Variants in PCDHGB3 observed in about 807,000 individuals in gnomAD.
PCDHGB3 encodes the protein protocadherin gamma subfamily B, 3.
Under a neutral mutation model 59.2 loss-of-function variants are expected in PCDHGB3, and 40 were observed. The ratio of observed to expected loss-of-function variants is 0.68; its 90% CI spans 0.52 to 0.88. The LOEUF (loss-of-function observed/expected upper bound fraction) is 0.88, where lower values mean the gene tolerates loss of function less well. PCDHGB3 is among the 40% of genes least tolerant of loss of function. The probability of loss-of-function intolerance (pLI) is 0.00; values close to 1 mark genes in which losing one functional copy is unlikely to be tolerated. For missense variants in PCDHGB3, 1,309 were observed against 1,187.9 expected, an observed-to-expected ratio of 1.10 and a Z score of -1.50; for synonymous variants, 581 against 503.6, an observed-to-expected ratio of 1.15 and a Z score of -2.06.
rs202006594 is a variant in PCDHGB3, at chr5:141,477,618, C to A, written c.2416-17189C>A. 15 of 1,614,176 alleles carry A rather than the reference C, an allele frequency of 9.3e-6. No homozygotes were observed. The African/African-American group carries it at 1.3e-4, about 14-fold the overall frequency. ...TCTTTCTTTCTCTTGGAGCAAGGAGCTGAAACCGGGCTAGTGGGTCGCTAT... is the reference window on the plus strand; with the variant it reads ...TCTTTCTTTCTCTTGGAGCAAGGAGATGAAACCGGGCTAGTGGGTCGCTAT... On this transcript the variant is annotated intron_variant, in intron 1 of 3. Coordinates refer to ENST00000576222, the MANE Select transcript of PCDHGB3 (RefSeq NM_018924.5). The surrounding 1 kb of genome is among the most constrained non-coding windows in gnomAD (Gnocchi z 4.9).
chr5:141,375,073 A>T, intron 1 of PCDHGB3: 1 of 1,614,030 alleles, frequency 6.2e-7, no homozygotes, highest in Non-Finnish European at 8.5e-7. Flanking sequence ...TTCGAGACAG[A>T]GCGAAAGTCT....
At chr5:141,468,487 G>A (rs945439990) in intron 1 of PCDHGB3, 6 of 152,110 alleles carry the variant, frequency 3.9e-5, no homozygotes, top group African/African-American at 1.4e-4. Context: ...TAGGTCTCAT[G>A]GAAGATTTTC....
At position 141,433,356 on chromosome 5, in the gene PCDHGB3, T is replaced by A. The variant is rs549297958; in HGVS notation, c.2415+60547T>A. On this transcript the variant is annotated intron_variant, in intron 1 of 3. Transcript: ENST00000576222. ...CTACAGGTGCAAGCCACCTACTGTC[T>A]GCCTATCTATCTATCTATCTATCTA... The A allele has an allele frequency of 8.4e-5, 51 of 607,892 alleles. No homozygotes were observed. The African/African-American group carries it at 9.5e-4, about 11-fold the overall frequency. 37.7% of individuals were successfully genotyped at this position (607,892 alleles called of 1,614,324 possible).
In PCDHGB3 at chr5:141,432,908, C is replaced by T. The variant is rs757934634; in HGVS notation, c.2415+60099C>T. On this transcript the variant is annotated intron_variant, in intron 1 of 3. Transcript: ENST00000576222. This position sits in a 1 kb window ranked among gnomAD's most constrained non-coding sequence, Gnocchi z 6.0. Reference sequence around the variant, plus strand: ...CATCTTGCTGCTGGCGCTCAGGCTGCGGCGCTGGCACAAGTCACGCCTGCT... The same window carrying T: ...CATCTTGCTGCTGGCGCTCAGGCTGTGGCGCTGGCACAAGTCACGCCTGCT... 3.7e-5 allele frequency: 60 copies of T among 1,614,050 alleles called. No individual in the cohort carries two copies. Among genetic ancestry groups the T allele is most frequent in the Middle Eastern group, 3.3e-4 (2 of 6,082 alleles).
intron 1 of PCDHGB3, among the ~76,000 whole-genome samples, chr5:141,475,339 T>C (rs1295364417): frequency 1.3e-5 from 2 of 152,188 alleles, no homozygotes; most frequent in Non-Finnish European, 2.9e-5. Flanking sequence ...AACAATGACA[T>C]CCAGTTTTAA....
chr5:141,392,883 T>C, intron 1 of PCDHGB3: 1 of 1,613,518 alleles, frequency 6.2e-7, no homozygotes, highest in Non-Finnish European at 8.5e-7. Flanking sequence ...GGGAACGCTG[T>C]GGGAAATCGG....
chr5:141,382,904 C>T (rs1286843210), intron 1 of PCDHGB3: 3 of 1,543,132 alleles, frequency 1.9e-6, no homozygotes, highest in Non-Finnish European at 1.7e-6. Flanking sequence ...ACGACTATGG[C>T]GGCTCAGCCG....
intron 1 of PCDHGB3, chr5:141,382,766 G>C (rs1015953757): frequency 5.7e-6 from 4 of 705,490 alleles, no homozygotes; most frequent in Admixed American, 2.7e-5. Flanking sequence ...CCTCTTCCAG[G>C]CTGCACTAAA....
At chr5:141,395,078 G>C in intron 1 of PCDHGB3, 1 of 1,614,126 alleles carries the variant, frequency 6.2e-7, no homozygotes, top group Non-Finnish European at 8.5e-7. Flanking sequence ...CCTATTCCCA[G>C]GAAGTCTCCC....
chr5:141,433,140 C>T (rs1394486228), intron 1 of PCDHGB3: 4 of 1,613,948 alleles, frequency 2.5e-6, no homozygotes, highest in African/African-American at 1.3e-5. Flanking sequence ...CTTTTGCTGT[C>T]AGGTGATTCG....
intron 1 of PCDHGB3, among the ~76,000 whole-genome samples, chr5:141,465,905 G>A (rs938438286): frequency 6.6e-6 from 1 of 151,958 alleles, no homozygotes; most frequent in Admixed American, 6.6e-5. Flanking sequence ...GGCAAATCAC[G>A]AGGTCAGGAT....
At chr5:141,455,690 C>T (rs1209152869) in intron 1 of PCDHGB3, among the ~76,000 whole-genome samples, 1 of 152,064 alleles carries the variant, frequency 6.6e-6, no homozygotes, top group Non-Finnish European at 1.5e-5. Context: ...CTGTGGGAAT[C>T]GCCAAGTTGA....
chr5:141,377,563 C>G (rs987370681), intron 1 of PCDHGB3: 4 of 151,534 alleles, frequency 2.6e-5, no homozygotes, highest in African/African-American at 9.7e-5. Context: ...GTCACTGCAC[C>G]CTAGCCTGGG....
At chr5:141,421,504 C>G (rs757410882) in intron 1 of PCDHGB3, 1 of 1,614,062 alleles carries the variant, frequency 6.2e-7, no homozygotes, top group South Asian at 1.1e-5. Flanking sequence ...CAGGATAGAC[C>G]GGGAGGAGCT....
At chr5:141,382,679 C>G in intron 1 of PCDHGB3, 1 of 439,974 alleles carries the variant, frequency 2.3e-6, no homozygotes, top group South Asian at 6.8e-5. Flanking sequence ...GTTCACCAAC[C>G]AGGGAAAAAT....
intron 1 of PCDHGB3, among the ~76,000 whole-genome samples, chr5:141,465,879 T>C (rs979784878): frequency 6.6e-6 from 1 of 152,062 alleles, no homozygotes; most frequent in African/African-American, 2.4e-5. Context: ...TCCCAGCACT[T>C]TGGGAGGCCG....
chr5:141,372,072 C>G lies in PCDHGB3; in HGVS notation c.1678C>G (p.Pro560Ala). The change falls in exon 1 of 4, where the codon CCG becomes GCG. Residue 560 changes from proline to alanine, a missense_variant. Pro to Ala is a conservative substitution (Grantham distance 27). Transcript: ENST00000576222. The stretch of plus-strand genomic sequence containing the variant: ...GGTGGACGACCGCAACGACAATGCA[C>G]CGCTGGTGCTGTACCCAGCTCTGGG... ...VLVDDRNDNA[P>A]LVLYPALGPE... 2 of 1,613,664 alleles carry G rather than the reference C, an allele frequency of 1.2e-6. No homozygotes were observed. Among genetic ancestry groups the G allele is most frequent in the Non-Finnish European group, 1.7e-6 (2 of 1,179,866 alleles).
intron 1 of PCDHGB3, among the ~76,000 whole-genome samples, chr5:141,425,105 G>C (rs1227234896): frequency 2.0e-5 from 3 of 152,236 alleles, no homozygotes; most frequent in African/African-American, 7.2e-5. Flanking sequence ...TCCAACAGAT[G>C]CCTACATTTT....
chr5:141,468,801 A>G (rs949203275), intron 1 of PCDHGB3, among the ~76,000 whole-genome samples: 15 of 151,736 alleles, frequency 9.9e-5, no homozygotes, highest in South Asian at 2.1e-4. Context: ...GGGAGGCGGA[A>G]CTTGCAGTGA....
Sources: allele counts gnomAD v4.1 joint callset (sites outside exome capture counted in the v4.1 genomes callset), GRCh38; gene constraint gnomAD v4.1.1; non-coding constraint Gnocchi (gnomAD v3.1); transcripts MANE v1.5; gene names NCBI Gene and HGNC (gene_info 2026-07-23, HGNC 2026-07-21).